Variants in FMNL3 observed in about 807,000 individuals in gnomAD.
FMNL3 encodes the protein formin-like protein 3.
Under a neutral mutation model 119.6 loss-of-function variants are expected in FMNL3, and 57 were observed. The observed-to-expected ratio is 0.48, with a 90% confidence interval of 0.39 to 0.59. FMNL3 has a LOEUF of 0.59. FMNL3 is among the 20% of genes least tolerant of loss of function. The pLI is 0.00. For missense variants in FMNL3, 1,053 were observed against 1,323.5 expected, an observed-to-expected ratio of 0.80 and a Z score of 3.17; for synonymous variants, 491 against 507.3, an observed-to-expected ratio of 0.97 and a Z score of 0.43.
At chr12:49,646,792 G>T (rs1337775780) in intron 25 of FMNL3, 94 bp downstream of exon 25, 3 of 1,604,698 alleles carry the variant, frequency 1.9e-6, no homozygotes, top group Middle Eastern at 1.7e-4. Flanking sequence ...CAGGCCTCAT[G>T]GGGGGTGGGG....
In FMNL3 at chr12:49,645,400, T is replaced by G. The variant is rs930383252; in HGVS notation, c.*415A>C. ...AGACTGGCAGGGTCCCAGGGCTCCC[T>G]AAGCCTAGATACATCTAGACCAGAG... On this transcript the variant is annotated 3_prime_UTR_variant, in exon 26 of 26. Coordinates refer to ENST00000335154, the MANE Select transcript of FMNL3 (RefSeq NM_175736.5). 3.2e-5 allele frequency: 5 copies of G among 158,224 alleles called. No homozygotes were observed. The highest frequency in any genetic ancestry group is 1.9e-4 in the Admixed American group (3 of 15,406). The allele number at this position is 158,224 out of a possible 1,614,324, so 9.8% of individuals were successfully genotyped here.
chr12:49,637,670 G>C lies in FMNL3; in HGVS notation c.*8145C>G. The C allele has an allele frequency of 1.3e-6, 2 of 1,543,746 alleles. No individual in the cohort carries two copies. The highest frequency in any genetic ancestry group is 1.8e-6 in the Non-Finnish European group (2 of 1,124,994). ...CCCCCTACTACCGGCTCCTGTCCTC[G>C]GCCCAGCCCCCAGGCCTTGGGAAGC... On this transcript the variant is annotated 3_prime_UTR_variant, in exon 26 of 26. Transcript: ENST00000335154.
chr12:49,703,819 C>G (rs1481189769), intron 1 of FMNL3, among the ~76,000 whole-genome samples: 1 of 152,132 alleles, frequency 6.6e-6, no homozygotes, highest in African/African-American at 2.4e-5. Context: ...GTGGTCTTGA[C>G]TCAGCACTGA....
chr12:49,671,773 C>T (rs542242616), intron 1 of FMNL3, among the ~76,000 whole-genome samples: 3 of 152,302 alleles, frequency 2.0e-5, no homozygotes, highest in South Asian at 2.1e-4. Flanking sequence ...TTCAGTGGTT[C>T]CACAGACACT....
At chr12:49,671,960 G>A (rs528212907) in intron 1 of FMNL3, among the ~76,000 whole-genome samples, 1 of 152,248 alleles carries the variant, frequency 6.6e-6, no homozygotes, top group East Asian at 1.9e-4. Flanking sequence ...CTTGGTGAAC[G>A]CATCCATAAA....
rs1941913045 is a variant in FMNL3 at position 49,637,022 on chromosome 12, T to C, written c.*8793A>G. 1 of 967,616 alleles carries C rather than the reference T, an allele frequency of 1.0e-6. No individual in the cohort carries two copies. Among genetic ancestry groups the C allele is most frequent in the African/African-American group, 1.6e-5 (1 of 61,162 alleles). 59.9% of individuals were successfully genotyped at this position (967,616 alleles called of 1,614,324 possible). On this transcript the variant is annotated 3_prime_UTR_variant, in exon 26 of 26. Transcript: ENST00000335154. The stretch of plus-strand genomic sequence containing the variant: ...GTCTGTTTCTGCTGTACCTCCTCAA[T>C]TCTGGACTGTGCTCTTCTAGGGAGA...
chr12:49,675,378 G>A (rs1032625578), intron 1 of FMNL3, among the ~76,000 whole-genome samples: 1 of 152,216 alleles, frequency 6.6e-6, no homozygotes, highest in East Asian at 1.9e-4. Context: ...GCTGGGGGCA[G>A]CTTATTTTCC....
chr12:49,656,649 A>G (rs1241239624), intron 8 of FMNL3, 152 bp from the exon 9 acceptor site: 3 of 907,814 alleles, frequency 3.3e-6, no homozygotes, highest in Non-Finnish European at 5.1e-6. Flanking sequence ...CTCCCTTACT[A>G]AGCTGTGTAG....
intron 1 of FMNL3, among the ~76,000 whole-genome samples, chr12:49,701,338 A>C (rs1452023562): frequency 6.6e-6 from 1 of 152,182 alleles, no homozygotes; most frequent in Non-Finnish European, 1.5e-5. Flanking sequence ...AGGAGAAAAG[A>C]AGCTATTCTC....
chr12:49,664,501 A>T (rs1371494204), intron 4 of FMNL3, among the ~76,000 whole-genome samples: 1 of 152,154 alleles, frequency 6.6e-6, no homozygotes, highest in Non-Finnish European at 1.5e-5. Context: ...GGTGGCAGGT[A>T]GCACTCAGGG....
rs535257598 is a variant in FMNL3, at chr12:49,689,690, T to C, written c.126+17365A>G. On this transcript the variant is annotated intron_variant, in intron 1 of 25. Transcript: ENST00000335154. ...ATGATCACACTATTGCACTTCAACC[T>C]GGGTGACAGAGCAAGCCCATTTCAA... 1.2e-4 allele frequency among the ~76,000 whole-genome samples: 18 copies of C among 152,320 alleles called. No homozygotes were observed. The South Asian group carries it at 3.5e-3, about 30-fold the overall frequency.
Position 49,636,647 on chromosome 12 carries a change from T to A in FMNL3, c.*9168A>T. 6.2e-7 allele frequency: 1 copy of A among 1,600,062 alleles called. No individual in the cohort carries two copies. Among genetic ancestry groups the A allele is most frequent in the Non-Finnish European group, 8.6e-7 (1 of 1,169,456 alleles). The stretch of plus-strand genomic sequence containing the variant: ...CTGTAGGACAGCATCGTTGAAACAT[T>A]AGGGGTGCTGGGGTCTGAGAGGGTA... On this transcript the variant is annotated 3_prime_UTR_variant, in exon 26 of 26. Transcript: ENST00000335154.
At chr12:49,665,389 C>T (rs1019518578) in intron 4 of FMNL3, among the ~76,000 whole-genome samples, 2 of 152,150 alleles carry the variant, frequency 1.3e-5, no homozygotes, top group Non-Finnish European at 2.9e-5. Flanking sequence ...ATTATCTTCT[C>T]CCAAACAAGC....
At chr12:49,652,767 T>C (rs1310378596) in intron 13 of FMNL3, among the ~76,000 whole-genome samples, 1 of 152,174 alleles carries the variant, frequency 6.6e-6, no homozygotes, top group Non-Finnish European at 1.5e-5. Context: ...GACTTTATAA[T>C]GAACAAAAAG....
intron 1 of FMNL3, among the ~76,000 whole-genome samples, chr12:49,677,127 G>A (rs1224831144): frequency 2.0e-5 from 3 of 152,206 alleles, no homozygotes; most frequent in African/African-American, 7.2e-5. Flanking sequence ...CACAACAGGT[G>A]AAATCTACCA....
In FMNL3 at chr12:49,707,137, G is replaced by C. The variant is rs569327580; in HGVS notation, c.44C>G (p.Pro15Arg). Residue 15 changes from proline (P) to arginine (R), a missense_variant, in exon 1 of 26, where the codon CCC becomes CGC. Coordinates refer to ENST00000335154, the MANE Select transcript of FMNL3 (RefSeq NM_175736.5). ...ESAEGVPGEP[P>R]SVPLLLPPGK... ...GGGCGGCAGCAACAACGGGACAGAGGGGGGCTCTCCCGGGACCCCCTCGGC... is the reference window on the plus strand; with the variant it reads ...GGGCGGCAGCAACAACGGGACAGAGCGGGGCTCTCCCGGGACCCCCTCGGC... 50 of 1,600,232 alleles carry C rather than the reference G, an allele frequency of 3.1e-5. No homozygotes were observed. The South Asian group carries it at 4.7e-4, about 15-fold the overall frequency.
chr12:49,703,334 C>T (rs1168556389), intron 1 of FMNL3, among the ~76,000 whole-genome samples: 1 of 152,120 alleles, frequency 6.6e-6, no homozygotes, highest in African/African-American at 2.4e-5. Flanking sequence ...GACCAAAACA[C>T]ACTGGGACTG....
Position 49,637,405 on chromosome 12 carries a change from C to A in FMNL3, c.*8410G>T. 2 of 1,107,926 alleles carry A rather than the reference C, an allele frequency of 1.8e-6. No homozygotes were observed. Among genetic ancestry groups the A allele is most frequent in the Non-Finnish European group, 2.7e-6 (2 of 734,944 alleles). 68.6% of individuals were successfully genotyped at this position (1,107,926 alleles called of 1,614,324 possible). A position where few individuals can be genotyped will look rare whatever the true frequency, so the allele number is the denominator to read the frequency against. The stretch of plus-strand genomic sequence containing the variant: ...CTCTTCCTCTGCCATTCCCTCTCTT[C>A]CCCCTCAGTCTGTGGCTCTGCCTCC... On this transcript the variant is annotated 3_prime_UTR_variant, in exon 26 of 26. Transcript: ENST00000335154.
intron 8 of FMNL3, 123 bp from the exon 9 acceptor site, chr12:49,656,620 G>T: frequency 1.0e-6 from 1 of 958,654 alleles, no homozygotes; most frequent in Non-Finnish European, 1.6e-6. Context: ...AGGAGAGAGG[G>T]TGGGAGAAAG....
Sources: allele counts gnomAD v4.1 joint callset (sites outside exome capture counted in the v4.1 genomes callset), GRCh38; gene constraint gnomAD v4.1.1; transcripts MANE v1.5; gene names NCBI Gene and HGNC (gene_info 2026-07-23, HGNC 2026-07-21).